MKNK1: variants seen among roughly 807,000 people sequenced by gnomAD.
MKNK1 encodes the protein MAP kinase-interacting serine/threonine-protein kinase 1.
MKNK1 carries 30 observed loss-of-function variants against 49.3 expected under a neutral mutation model. The ratio of observed to expected loss-of-function variants is 0.61; its 90% CI spans 0.46 to 0.83. The LOEUF (loss-of-function observed/expected upper bound fraction) is 0.83. Among genes scored for constraint, MKNK1 ranks in the 40% least tolerant of loss-of-function variants. MKNK1 has a pLI of 0.00. For synonymous variants in MKNK1, 176 were observed against 201.7 expected (o/e 0.87, Z 1.08); for missense variants, 423 against 524.7 (o/e 0.81, Z 1.89).
Position 46,597,137 on chromosome 1 carries a change from C to T in MKNK1, c.-170-2857G>A, listed in dbSNP as rs1177141115. On this transcript the variant is annotated intron_variant, in intron 1 of 12. Coordinates refer to ENST00000371945, the MANE Select transcript of MKNK1 (RefSeq NM_001135553.4). ...TGGGGTGGGGAAGGGTGACCATGGC[C>T]AGACCAAACCTACACAGATCCATCG... is the stretch of plus-strand genomic sequence containing the variant. 2.0e-5 allele frequency among the ~76,000 whole-genome samples: 3 copies of T among 152,168 alleles called. No individual in the cohort carries two copies. In the East Asian group the frequency reaches 5.8e-4, roughly 29 times the overall value.
In MKNK1 at chr1:46,562,745, C is replaced by A; in HGVS notation, c.708G>T (p.Val236=). ...DKRCDLWSLG[V]VLYIMLSGYP... is the part of the protein sequence containing the mutation. ...AGCCACTCAGCATGATGTAGAGGAC[C>A]ACGCCCAGGCTCCACAGGTCACAGC... is the stretch of plus-strand genomic sequence containing the variant. The change falls in exon 10 of 13, where the codon GTG becomes GTT. Residue 236 remains valine (V), a synonymous_variant. Coordinates refer to ENST00000371945, the MANE Select transcript of MKNK1 (RefSeq NM_001135553.4). The A allele has an allele frequency of 6.2e-7, 1 of 1,605,778 alleles. No homozygotes were observed. Among genetic ancestry groups the A allele is most frequent in the South Asian group, 1.1e-5 (1 of 89,508 alleles).
At position 46,564,624 on chromosome 1, in the gene MKNK1, G is replaced by A. The variant is rs371758497; in HGVS notation, c.609+417C>T. 3.0e-4 allele frequency among the ~76,000 whole-genome samples: 45 copies of A among 151,818 alleles called. No homozygotes were observed. In the East Asian group the frequency reaches 5.8e-3, roughly 20 times the overall value. ...CCCAAGTAGCTGGGATTACAGGTGC[G>A]CGCCACCATGCCTGGCTAATTTTGT... On this transcript the variant is annotated intron_variant, in intron 9 of 12. Coordinates refer to ENST00000371945, the MANE Select transcript of MKNK1 (RefSeq NM_001135553.4).
At chr1:46,559,354 AT>A in intron 12 of MKNK1, among the ~76,000 whole-genome samples, 1 of 152,356 alleles carries the variant, frequency 6.6e-6, no homozygotes, top group East Asian at 1.9e-4. Context: ...GGTCACACGA[AT>A]TGCGATTATG....
chr1:46,591,807 C>T (rs1673382325), intron 2 of MKNK1, among the ~76,000 whole-genome samples: 1 of 152,320 alleles, frequency 6.6e-6, no homozygotes, highest in Admixed American at 6.5e-5. Flanking sequence ...AGGTGCTATA[C>T]TTTGGTTTGC....
At chr1:46,580,435 C>T (rs1296428011) in intron 4 of MKNK1, 95 bp downstream of exon 4, 1 of 871,158 alleles carries the variant, frequency 1.1e-6, no homozygotes. Flanking sequence ...GCTTCAGAGT[C>T]CCCATTCTTA....
chr1:46,602,227 C>A (rs1378031848), intron 1 of MKNK1, among the ~76,000 whole-genome samples: 3 of 152,186 alleles, frequency 2.0e-5, no homozygotes, highest in Non-Finnish European at 4.4e-5. Flanking sequence ...GCCTGGCCAA[C>A]ATGGCGAAAC....
rs1474024043 is a variant in MKNK1 at position 46,560,281 on chromosome 1, G to T, written c.970-4C>A. 1 of 1,614,126 alleles carries T rather than the reference G, an allele frequency of 6.2e-7. No homozygotes were observed. Among genetic ancestry groups the T allele is most frequent in the Non-Finnish European group, 8.5e-7 (1 of 1,179,980 alleles). Reference sequence around the variant, plus strand: ...GGAGTCCCTTTTCTGGAGCTTGCTAGAATGGGAAGGACAGATGTGTAGGTA... The same window carrying T: ...GGAGTCCCTTTTCTGGAGCTTGCTATAATGGGAAGGACAGATGTGTAGGTA... On this transcript the variant is annotated splice_polypyrimidine_tract_variant and splice_region_variant and intron_variant, in intron 11 of 12. Coordinates refer to ENST00000371945, the MANE Select transcript of MKNK1 (RefSeq NM_001135553.4).
chr1:46,580,466 G>T, intron 4 of MKNK1, 64 bp downstream of exon 4: 2 of 1,121,124 alleles, frequency 1.8e-6, no homozygotes, highest in Non-Finnish European at 2.7e-6. Context: ...CATTTATTTG[G>T]TTCAAGATGA....
intron 2 of MKNK1, among the ~76,000 whole-genome samples, chr1:46,587,928 G>A (rs1053263945): frequency 2.0e-5 from 3 of 152,114 alleles, no homozygotes; most frequent in Admixed American, 6.5e-5. Context: ...AGAGTAGAAA[G>A]ACTAGACAGA....
chr1:46,595,072 G>A (rs568767299), intron 1 of MKNK1: 35 of 174,584 alleles, frequency 2.0e-4, no homozygotes, highest in Middle Eastern at 1.5e-3. Context: ...AACAGAGCCC[G>A]AAAGATAAAG....
chr1:46,565,021 C>G lies in MKNK1; in HGVS notation c.609+20G>C, dbSNP rs755955378. ...GGGAAACACTCCAAATACTTAGGAGCCCAGAGGAAGCATACGTACTGGGGT... is the reference window on the plus strand; with the variant it reads ...GGGAAACACTCCAAATACTTAGGAGGCCAGAGGAAGCATACGTACTGGGGT... On this transcript the variant is annotated intron_variant, in intron 9 of 12. Coordinates refer to ENST00000371945, the MANE Select transcript of MKNK1 (RefSeq NM_001135553.4). The G allele has an allele frequency of 1.2e-6, 2 of 1,608,462 alleles. No individual in the cohort carries two copies. Among genetic ancestry groups the G allele is most frequent in the South Asian group, 2.2e-5 (2 of 91,004 alleles).
Position 46,576,614 on chromosome 1 carries a change from AAC to A in MKNK1, c.237_238del (p.Phe80SerfsTer20). On this transcript the variant is annotated frameshift_variant, in exon 5 of 13. Transcript: ENST00000371945. LOFTEE classifies it high-confidence loss of function. ...CTGATACAGCGTCTCCACCTCTCGA[AAC>A]ACCCTACTCCGACTGTGCCCTGCTT... The A allele has an allele frequency of 6.2e-7, 1 of 1,614,100 alleles. No homozygotes were observed. Among genetic ancestry groups the A allele is most frequent in the Non-Finnish European group, 8.5e-7 (1 of 1,179,986 alleles).
intron 4 of MKNK1, among the ~76,000 whole-genome samples, chr1:46,578,172 C>G (rs1049292739): frequency 2.6e-5 from 4 of 152,192 alleles, no homozygotes; most frequent in African/African-American, 9.6e-5. Flanking sequence ...TGGGCTCTTG[C>G]TACTAGAGAT....
Position 46,558,512 on chromosome 1 carries a change from C to T in MKNK1, c.*63G>A. 2 of 1,478,106 alleles carry T rather than the reference C, an allele frequency of 1.4e-6. No individual in the cohort carries two copies. Among genetic ancestry groups the T allele is most frequent in the Non-Finnish European group, 1.8e-6 (2 of 1,103,350 alleles). The allele number at this position is 1,478,106 out of a possible 1,614,324, so 91.6% of individuals were successfully genotyped here. A position where few individuals can be genotyped will look rare whatever the true frequency, so the allele number is the denominator to read the frequency against. On this transcript the variant is annotated 3_prime_UTR_variant, in exon 13 of 13. Coordinates refer to ENST00000371945, the MANE Select transcript of MKNK1 (RefSeq NM_001135553.4). ...CTGCCTGCTCAGCAGACTTTAGCCA[C>T]ACAGGTTTCCAGGGGACAATGCCTG...
At position 46,558,396 on chromosome 1, in the gene MKNK1, T is replaced by C; in HGVS notation, c.*179A>G. 2 of 605,998 alleles carry C rather than the reference T, an allele frequency of 3.3e-6. No homozygotes were observed. Among genetic ancestry groups the C allele is most frequent in the South Asian group, 5.2e-5 (2 of 38,264 alleles). 37.5% of individuals were successfully genotyped at this position (605,998 alleles called of 1,614,324 possible). On this transcript the variant is annotated 3_prime_UTR_variant, in exon 13 of 13. Coordinates refer to ENST00000371945, the MANE Select transcript of MKNK1 (RefSeq NM_001135553.4). Reference sequence around the variant, plus strand: ...GACAACCCCTTTGGAAAAAGCTTTTTCCTCCAGGACCCTAGGGAAATGGGG... The same window carrying C: ...GACAACCCCTTTGGAAAAAGCTTTTCCCTCCAGGACCCTAGGGAAATGGGG...
intron 1 of MKNK1, among the ~76,000 whole-genome samples, chr1:46,603,952 A>C (rs1174008178): frequency 6.6e-6 from 1 of 152,162 alleles, no homozygotes; most frequent in Non-Finnish European, 1.5e-5. Context: ...AACGGGCCAC[A>C]GAGTAAGCGC....
chr1:46,562,931 G>T, intron 9 of MKNK1, 88 bp from the exon 10 acceptor site: 1 of 1,118,196 alleles, frequency 8.9e-7, no homozygotes, highest in Non-Finnish European at 1.3e-6. Context: ...AGCAGACTGT[G>T]ATGGGACTGG....
chr1:46,566,629 C>T (rs1203529055), intron 8 of MKNK1, among the ~76,000 whole-genome samples: 3 of 152,210 alleles, frequency 2.0e-5, no homozygotes, highest in Non-Finnish European at 4.4e-5. Context: ...ACGATTTCTC[C>T]ATAACCGTAA....
At chr1:46,572,375 G>GC in intron 6 of MKNK1, 1 of 404,000 alleles carries the variant, frequency 2.5e-6, no homozygotes, top group Non-Finnish European at 4.6e-6. Flanking sequence ...ACCATGTCCA[G>GC]CTAATTTTTG....
Sources: allele counts gnomAD v4.1 joint callset (sites outside exome capture counted in the v4.1 genomes callset), GRCh38; gene constraint gnomAD v4.1.1; transcripts MANE v1.5; gene names NCBI Gene and HGNC (gene_info 2026-07-23, HGNC 2026-07-21).